The following MACO1 variants were observed in gnomAD, a reference collection of about 807,000 sequenced individuals.
MACO1 encodes the protein macoilin 1.
Under a neutral mutation model 78.7 loss-of-function variants are expected in MACO1, and 14 were observed. The observed-to-expected ratio is 0.18, with a 90% confidence interval of 0.12 to 0.28. The LOEUF (loss-of-function observed/expected upper bound fraction) is 0.28. Ranked by LOEUF, MACO1 falls within the 10% of genes least tolerant of loss-of-function variation. MACO1 has a pLI of 1.00. For synonymous variants in MACO1, 288 were observed against 291.6 expected (o/e 0.99, Z 0.12); for missense variants, 501 against 799.0 (o/e 0.63, Z 4.50).
At chr1:25,487,144 A>G (rs907780489) in intron 8 of MACO1, among the ~76,000 whole-genome samples, 14 of 152,054 alleles carry the variant, frequency 9.2e-5, no homozygotes, top group Non-Finnish European at 2.1e-4. Context: ...CTTGTTTTTC[A>G]TAACTTATTC....
At chr1:25,458,253 A>G (rs1311920769) in intron 5 of MACO1, 138 bp from the exon 6 acceptor site, 2 of 1,138,922 alleles carry the variant, frequency 1.8e-6, no homozygotes, top group East Asian at 5.3e-5. Context: ...TTGCTTCTTG[A>G]TTAGCGTATA....
intron 8 of MACO1, among the ~76,000 whole-genome samples, chr1:25,486,777 C>A (rs1251455819): frequency 6.6e-6 from 1 of 152,210 alleles, no homozygotes; most frequent in African/African-American, 2.4e-5. Context: ...CCTGCCTCCC[C>A]CCAGCAGATG....
At chr1:25,437,683 G>C (rs1184429986) in intron 1 of MACO1, among the ~76,000 whole-genome samples, 3 of 152,138 alleles carry the variant, frequency 2.0e-5, no homozygotes, top group Non-Finnish European at 2.9e-5. Context: ...ACTTTGGGAG[G>C]CTAAGGCAAG....
intron 6 of MACO1, among the ~76,000 whole-genome samples, chr1:25,475,064 G>A (rs771665161): frequency 3.1e-4 from 47 of 152,170 alleles, no homozygotes; most frequent in Non-Finnish European, 6.0e-4. Context: ...AGGCATTCTC[G>A]GCCGGGCACT....
chr1:25,463,866 T>C (rs1310592342), intron 6 of MACO1, among the ~76,000 whole-genome samples: 3 of 152,200 alleles, frequency 2.0e-5, no homozygotes. Context: ...TAGAACAGTT[T>C]TAGGTTCACA....
chr1:25,433,583 C>G (rs2042894418), intron 1 of MACO1, among the ~76,000 whole-genome samples: 1 of 152,192 alleles, frequency 6.6e-6, no homozygotes, highest in Middle Eastern at 3.2e-3. Flanking sequence ...CATGGACTTA[C>G]TATTTTCATG....
At chr1:25,444,540 G>C (rs1002226158) in intron 1 of MACO1, among the ~76,000 whole-genome samples, 3 of 152,106 alleles carry the variant, frequency 2.0e-5, no homozygotes, top group African/African-American at 2.4e-5. Flanking sequence ...TTTCAAACTA[G>C]ATTTGTGCTC....
At chr1:25,464,727 G>T (rs1017391997) in intron 6 of MACO1, among the ~76,000 whole-genome samples, 5 of 142,512 alleles carry the variant, frequency 3.5e-5, no homozygotes, top group African/African-American at 1.3e-4. Flanking sequence ...TGCTATCTCA[G>T]TTCACTGCAA....
chr1:25,497,320 C>T (rs2043546312), intron 10 of MACO1, among the ~76,000 whole-genome samples: 1 of 148,952 alleles, frequency 6.7e-6, no homozygotes, highest in Non-Finnish European at 1.5e-5. Flanking sequence ...GCAGAGGTTG[C>T]AGTGAGCCGA....
intron 1 of MACO1, among the ~76,000 whole-genome samples, chr1:25,441,663 T>C (rs192988288): frequency 6.6e-6 from 1 of 152,356 alleles, no homozygotes; most frequent in African/African-American, 2.4e-5. Flanking sequence ...TCAGTGTTCT[T>C]ATAGTACAGG....
Position 25,431,116 on chromosome 1 carries a change from C to T in MACO1, c.18C>T (p.Ala6=), listed in dbSNP as rs114403991. The stretch of plus-strand genomic sequence containing the variant: ...GCGGGAGGATGAAGCGGCGGAACGC[C>T]GACTGCAGTAAGCTCCGCCGCCCCC... The part of the protein sequence containing the change: MKRRN[A]DCSKLRRPLK... The change falls in exon 1 of 11, where the codon GCC becomes GCT. Residue 6 remains alanine, a synonymous_variant. Coordinates refer to ENST00000374343, the MANE Select transcript of MACO1 (RefSeq NM_018202.6). The T allele has an allele frequency of 1.3e-3, 2,035 of 1,594,938 alleles. 26 individuals are homozygous for T. The African/African-American group carries it at 0.022, about 17-fold the overall frequency.
chr1:25,449,242 A>T (rs12027135), intron 3 of MACO1, among the ~76,000 whole-genome samples: 75,285 of 151,860 alleles, frequency 0.5, 19,024 homozygotes, highest in Non-Finnish European at 0.54. Context: ...GAAGACAGCC[A>T]TGTGCCAAAA....
At chr1:25,498,118 A>C (rs2043553810) in intron 10 of MACO1, 146 bp from the exon 11 acceptor site, 4 of 701,340 alleles carry the variant, frequency 5.7e-6, no homozygotes, top group Non-Finnish European at 9.6e-6. Flanking sequence ...ACTGTGTCCC[A>C]TTACAGGACA....
chr1:25,480,970 A>T (rs2043371738), intron 6 of MACO1, among the ~76,000 whole-genome samples: 1 of 111,766 alleles, frequency 8.9e-6, no homozygotes, highest in African/African-American at 3.3e-5. Context: ...ATATATATAT[A>T]TATATTTCAT....
chr1:25,490,211 G>A (rs1164821210), intron 9 of MACO1, among the ~76,000 whole-genome samples: 2 of 152,104 alleles, frequency 1.3e-5, no homozygotes, highest in African/African-American at 4.8e-5. Context: ...TATGAATATT[G>A]CAACAAATAT....
intron 3 of MACO1, among the ~76,000 whole-genome samples, chr1:25,453,888 T>C (rs1413751640): frequency 6.6e-6 from 1 of 152,168 alleles, no homozygotes; most frequent in Non-Finnish European, 1.5e-5. Context: ...AATTTGTATT[T>C]CTCTAATCAG....
chr1:25,456,642 C>A lies in MACO1; in HGVS notation c.474-11C>A. On this transcript the variant is annotated splice_polypyrimidine_tract_variant and intron_variant, in intron 4 of 10. Coordinates refer to ENST00000374343, the MANE Select transcript of MACO1 (RefSeq NM_018202.6). ...AACCTACAATTACTGGCTGGATTGT[C>A]TTCTTTCTAGTATTGGGTACCCTGT... The A allele has an allele frequency of 6.2e-7, 1 of 1,602,160 alleles. No individual in the cohort carries two copies. Among genetic ancestry groups the A allele is most frequent in the Non-Finnish European group, 8.5e-7 (1 of 1,175,126 alleles).
chr1:25,488,798 T>C (rs1355329979), intron 8 of MACO1, among the ~76,000 whole-genome samples: 1 of 152,100 alleles, frequency 6.6e-6, no homozygotes, highest in Non-Finnish European at 1.5e-5. Context: ...CTATAGTCTT[T>C]TTTAAAATTT....
intron 1 of MACO1, among the ~76,000 whole-genome samples, chr1:25,433,619 C>CCTTG (rs1356001021): frequency 6.6e-6 from 1 of 152,080 alleles, no homozygotes; most frequent in Admixed American, 6.6e-5. Flanking sequence ...ACTTTCTGAG[C>CCTTG]CTTGGCATAG....
Sources: gnomAD v4.1 joint callset for allele counts (sites outside exome capture counted in the v4.1 genomes callset) on GRCh38, gnomAD v4.1.1 for gene constraint, MANE v1.5 for transcripts, NCBI Gene and HGNC (gene_info 2026-07-23, HGNC 2026-07-21) for gene names.